GALC: variants seen among roughly 807,000 people sequenced by gnomAD.
GALC encodes the protein galactocerebrosidase.
Under a neutral mutation model 91.8 loss-of-function variants are expected in GALC, and 77 were observed. That is an observed-to-expected ratio of 0.84 (90% confidence interval 0.70 to 1.01). GALC has a LOEUF of 1.01. Among genes scored for constraint, GALC ranks in the 50% least tolerant of loss-of-function variants. The pLI, the probability that GALC is intolerant of heterozygous loss-of-function variation, is 0.00. For missense variants in GALC, 882 were observed against 855.9 expected, an observed-to-expected ratio of 1.03 and a Z score of -0.38; for synonymous variants, 357 against 306.7, an observed-to-expected ratio of 1.16 and a Z score of -1.71.
chr14:87,954,039 G>C, intron 10 of GALC: 3 of 1,609,788 alleles, frequency 1.9e-6, no homozygotes, highest in Non-Finnish European at 1.7e-6. Flanking sequence ...GGACCAATGG[G>C]TTGGCGAGAC....
chr14:87,969,128 G>A (rs1046547666), intron 7 of GALC, among the ~76,000 whole-genome samples: 2 of 152,144 alleles, frequency 1.3e-5, no homozygotes, highest in South Asian at 2.1e-4. Context: ...GAGCAGTGGC[G>A]GTTCTCAACC....
chr14:87,984,848 C>T (rs1242222711), intron 4 of GALC, among the ~76,000 whole-genome samples: 1 of 152,198 alleles, frequency 6.6e-6, no homozygotes, highest in Non-Finnish European at 1.5e-5. Context: ...TATGTTTTAA[C>T]TTAACATGTC....
intron 6 of GALC, among the ~76,000 whole-genome samples, chr14:87,977,296 A>C (rs1886540954): frequency 6.6e-6 from 1 of 152,212 alleles, no homozygotes; most frequent in African/African-American, 2.4e-5. Context: ...AAAAGTAACA[A>C]GCTAAATTTT....
Position 87,974,451 on chromosome 14 carries a change from G to A in GALC, c.752+1907C>T, listed in dbSNP as rs72629378. 0.01 allele frequency among the ~76,000 whole-genome samples: 1,556 copies of A among 152,078 alleles called. 62 individuals carry two copies. The East Asian group carries it at 0.12, about 12-fold the overall frequency. ...CAAAGCAGAAGCTTCCAGTATTTAC[G>A]TACCAAATAACAAAGCAGAAGCTTC... On this transcript the variant is annotated intron_variant, in intron 7 of 16. Transcript: ENST00000261304.
chr14:87,956,976 A>G (rs1885585165), intron 10 of GALC, among the ~76,000 whole-genome samples: 1 of 152,138 alleles, frequency 6.6e-6, no homozygotes, highest in African/African-American at 2.4e-5. Context: ...GTAAGGTGGT[A>G]TCTCGTTGTG....
intron 9 of GALC, among the ~76,000 whole-genome samples, chr14:87,963,792 T>C (rs1885911673): frequency 6.6e-6 from 1 of 152,068 alleles, no homozygotes; most frequent in Non-Finnish European, 1.5e-5. Context: ...AAAATAGTTA[T>C]TCCCCCCCCA....
rs529350155 is a variant in GALC, at chr14:87,993,150, T to C, written c.15A>G (p.Leu5=). The change falls in exon 1 of 17, where the codon CTA becomes CTG. Residue 5 remains leucine (L), a synonymous_variant. Coordinates refer to ENST00000261304, the MANE Select transcript of GALC (RefSeq NM_000153.4). MAEW[L]LSASWQRRAK... ...CTCGGCGTTGCCAGGAAGCCGAGAG[T>C]AGCCACTCAGCCATTGTGTGGGTCA... The C allele has an allele frequency of 1.3e-4, 210 of 1,590,696 alleles. 2 individuals are homozygous for C. The African/African-American group carries it at 2.7e-3, about 20-fold the overall frequency.
chr14:87,951,242 T>C (rs1177170613), intron 10 of GALC, among the ~76,000 whole-genome samples: 2 of 151,866 alleles, frequency 1.3e-5, no homozygotes, highest in Non-Finnish European at 2.9e-5. Flanking sequence ...AGTTCTCACA[T>C]TGCCATCACT....
intron 10 of GALC, among the ~76,000 whole-genome samples, chr14:87,959,325 G>A (rs1056870826): frequency 6.6e-6 from 1 of 152,114 alleles, no homozygotes; most frequent in African/African-American, 2.4e-5. Flanking sequence ...AAGAAAACAA[G>A]TGTTGGTGAG....
At chr14:87,953,195 A>C in intron 10 of GALC, 3 of 1,498,568 alleles carry the variant, frequency 2.0e-6, no homozygotes, top group Non-Finnish European at 2.8e-6. Flanking sequence ...TCAGACCTTA[A>C]AATGTCAACT....
Position 87,963,247 on chromosome 14 carries a change from T to A in GALC, c.1161+137A>T, listed in dbSNP as rs1885884526. ...TTTACGACTCATGGCTAAAATTTTT[T>A]AAATGAAAGCCATAAGATCTTGGCA... On this transcript the variant is annotated intron_variant, in intron 10 of 16. Transcript: ENST00000261304. 3 of 902,018 alleles carry A rather than the reference T, an allele frequency of 3.3e-6. No individual in the cohort carries two copies. The Admixed American group carries it at 6.2e-5, about 19-fold the overall frequency. 55.9% of individuals were successfully genotyped at this position (902,018 alleles called of 1,614,324 possible). A position where few individuals can be genotyped will look rare whatever the true frequency, so the allele number is the denominator to read the frequency against.
intron 10 of GALC, among the ~76,000 whole-genome samples, 180 bp from the exon 11 acceptor site, chr14:87,950,928 T>C (rs937051809): frequency 6.6e-6 from 1 of 151,782 alleles, no homozygotes; most frequent in Non-Finnish European, 1.5e-5. Context: ...ATGTGTATTG[T>C]ATGTTCCTAG....
rs558341768 is a variant in GALC, at chr14:87,945,753, TTC to T, written c.1490-22_1490-21del. 515 of 1,591,760 alleles carry T rather than the reference TTC, an allele frequency of 3.2e-4. 3 individuals carry two copies. The African/African-American group carries it at 6.3e-3, about 20-fold the overall frequency. On this transcript the variant is annotated intron_variant, in intron 13 of 16. Transcript: ENST00000261304. ...GGTAATCTGTTCAGAATGTAAGAAA[TTC>T]TCTGTTTAGTATCAAATCCTTCAGA...
chr14:87,954,243 G>A lies in GALC; in HGVS notation c.1162-3495C>T, dbSNP rs1038430230. The A allele has an allele frequency of 3.9e-6, 6 of 1,534,746 alleles. No homozygotes were observed. In the Admixed American group the frequency reaches 8.4e-5, roughly 21 times the overall value. On this transcript the variant is annotated intron_variant, in intron 10 of 16. Coordinates refer to ENST00000261304, the MANE Select transcript of GALC (RefSeq NM_000153.4). ...GAGGGTGAACAGTATAGACTTTATAGAATTGGAGCACCTTCAGCCTGATGT... is the reference window on the plus strand; with the variant it reads ...GAGGGTGAACAGTATAGACTTTATAAAATTGGAGCACCTTCAGCCTGATGT...
chr14:87,962,252 C>G (rs1394043563), intron 10 of GALC, among the ~76,000 whole-genome samples: 1 of 152,108 alleles, frequency 6.6e-6, no homozygotes, highest in Non-Finnish European at 1.5e-5. Flanking sequence ...TTTCTTTTGA[C>G]TATCCTTGGG....
At chr14:87,965,009 A>G (rs780881759) in intron 9 of GALC, among the ~76,000 whole-genome samples, 2 of 152,178 alleles carry the variant, frequency 1.3e-5, no homozygotes, top group African/African-American at 2.4e-5. Flanking sequence ...ATATAAAGCC[A>G]TATTTCACAT....
intron 10 of GALC, among the ~76,000 whole-genome samples, chr14:87,960,247 C>A (rs1885744575): frequency 2.0e-5 from 3 of 150,684 alleles, no homozygotes; most frequent in Admixed American, 1.3e-4. Context: ...GGTTACCAGA[C>A]ACTAGGGTGG....
At chr14:87,967,368 C>CT (rs1886100318) in intron 8 of GALC, among the ~76,000 whole-genome samples, 1 of 152,110 alleles carries the variant, frequency 6.6e-6, no homozygotes, top group Non-Finnish European at 1.5e-5. Flanking sequence ...TCTAAATTCT[C>CT]TGCCATGAAG....
intron 10 of GALC, among the ~76,000 whole-genome samples, chr14:87,958,391 T>C (rs1372638707): frequency 2.0e-5 from 3 of 152,090 alleles, no homozygotes; most frequent in Non-Finnish European, 4.4e-5. Flanking sequence ...AGTGAATAAT[T>C]AATATTGTTA....
Sources: allele counts gnomAD v4.1 joint callset (sites outside exome capture counted in the v4.1 genomes callset), GRCh38; gene constraint gnomAD v4.1.1; transcripts MANE v1.5; gene names NCBI Gene and HGNC (gene_info 2026-07-23, HGNC 2026-07-21).